Variants in CDKN2A observed in about 807,000 individuals in gnomAD.
CDKN2A encodes the protein cyclin dependent kinase inhibitor 2A.
A neutral mutation model predicts 11.1 loss-of-function variants in CDKN2A; 3 were observed. The ratio of observed to expected loss-of-function variants is 0.27; its 90% confidence interval spans 0.12 to 0.70. The LOEUF (loss-of-function observed/expected upper bound fraction) is 0.70. Among genes scored for constraint, CDKN2A ranks in the 30% least tolerant of loss-of-function variants. The pLI, the probability that CDKN2A is intolerant of heterozygous loss-of-function variation, is 0.77. For synonymous variants in CDKN2A, 122 were observed against 108.1 expected (o/e 1.13, Z -0.80); for missense variants, 265 against 233.6 (o/e 1.13, Z -0.88).
chr9:21,975,652 T>C (rs1313935478), upstream of CDKN2A, among the ~76,000 whole-genome samples: 1 of 152,172 alleles, frequency 6.6e-6, no homozygotes, highest in Non-Finnish European at 1.5e-5. Context: ...AAGAGCAGAC[T>C]CTGAAAAGAT....
At chr9:21,973,277 C>A (rs1819865550) in intron 1 of CDKN2A, among the ~76,000 whole-genome samples, 1 of 151,982 alleles carries the variant, frequency 6.6e-6, no homozygotes, top group Non-Finnish European at 1.5e-5. Context: ...TGCTTAAACC[C>A]ATTTGATAAT....
At chr9:21,982,337 T>A (rs1340266081) in intron 2 of CDKN2A, among the ~76,000 whole-genome samples, 5 of 152,178 alleles carry the variant, frequency 3.3e-5, no homozygotes, top group Admixed American at 6.5e-5. Flanking sequence ...ATAGCAGGTA[T>A]CTTTTCTAAA....
At chr9:21,987,396 AACACACAC>A (rs375380204) in intron 2 of CDKN2A, among the ~76,000 whole-genome samples, 23 of 89,904 alleles carry the variant, frequency 2.6e-4, no homozygotes, top group African/African-American at 9.0e-4. Flanking sequence ...CCCTTATTAC[AACACACAC>A]ACACACACAC....
rs749488253 is a variant in CDKN2A at position 21,974,472 on chromosome 9, G to A, written c.150+206C>T. ...CATTCGAGAGATCTGTACGCGCGTGGCTCCTCATTCCTCTTCCTTGGCTTC... is the reference window on the plus strand; with the variant it reads ...CATTCGAGAGATCTGTACGCGCGTGACTCCTCATTCCTCTTCCTTGGCTTC... On this transcript the variant is annotated intron_variant, in intron 1 of 2. Transcript: ENST00000304494. The surrounding 1 kb of genome is among the most constrained non-coding windows in gnomAD (Gnocchi z 5.2). 6.2e-7 allele frequency: 1 copy of A among 1,612,518 alleles called. No homozygotes were observed. Among genetic ancestry groups the A allele is most frequent in the Non-Finnish European group, 8.5e-7 (1 of 1,179,536 alleles).
intron 2 of CDKN2A, among the ~76,000 whole-genome samples, chr9:21,992,659 T>C (rs879487769): frequency 2.6e-5 from 4 of 152,110 alleles, no homozygotes; most frequent in Non-Finnish European, 5.9e-5. Context: ...ATTGACATGT[T>C]CTACTTTGTT....
intron 2 of CDKN2A, among the ~76,000 whole-genome samples, chr9:21,980,243 T>C (rs948669983): frequency 1.3e-5 from 2 of 152,200 alleles, no homozygotes; most frequent in Non-Finnish European, 2.9e-5. Context: ...GGTGAGATAA[T>C]ACACACATAT....
In CDKN2A at chr9:21,988,586, T is replaced by C. The variant is rs188077799; in HGVS notation, c.-4+5296A>G. On this transcript the variant is annotated intron_variant, in intron 2 of 3. Coordinates refer to the CDKN2A transcript ENST00000494262. The surrounding 1 kb of genome is among the most constrained non-coding windows in gnomAD (Gnocchi z 4.1). The stretch of plus-strand genomic sequence containing the variant: ...GACATAAATATGAGAACAATAGACA[T>C]TGGGGACTACTAGATGGAGGAGAAA... Among the ~76,000 whole-genome samples the C allele has an allele frequency of 1.3e-5, 2 of 152,118 alleles. No homozygotes were observed. Among genetic ancestry groups the C allele is most frequent in the Admixed American group, 1.3e-4 (2 of 15,276 alleles).
chr9:21,970,365 C>T (rs1322850747), intron 2 of CDKN2A: 1 of 269,960 alleles, frequency 3.7e-6, no homozygotes, highest in East Asian at 5.5e-5. Flanking sequence ...CTCTGGAAAA[C>T]TCTACCGCAT....
upstream of CDKN2A, among the ~76,000 whole-genome samples, chr9:21,977,435 G>A (rs757495679): frequency 6.6e-6 from 1 of 152,082 alleles, no homozygotes. Flanking sequence ...GATCTCTCTC[G>A]GTTCACTGCA....
In CDKN2A at chr9:21,968,870, C is replaced by A. The variant is rs1043013429; in HGVS notation, c.458-628G>T. On this transcript the variant is annotated intron_variant, in intron 2 of 2. Transcript: ENST00000304494. This position sits in a 1 kb window ranked among gnomAD's most constrained non-coding sequence, Gnocchi z 4.7. ...GCTCCAGCTCGCCGTTCGGTTCTCC[C>A]GAGGCAGCATTTACACTTGAGAGTC... 1.7e-6 allele frequency: 2 copies of A among 1,193,756 alleles called. No homozygotes were observed. The highest frequency in any genetic ancestry group is 1.3e-5 in the South Asian group (1 of 76,960). The allele number at this position is 1,193,756 out of a possible 1,614,324, so 73.9% of individuals were successfully genotyped here.
upstream of CDKN2A, among the ~76,000 whole-genome samples, chr9:21,978,141 T>G (rs1162376577): frequency 2.2e-5 from 3 of 136,386 alleles, no homozygotes; most frequent in Non-Finnish European, 4.8e-5. Flanking sequence ...GGGGGAGGGA[T>G]AGCATTAGGA....
At chr9:21,970,797 A>C (rs1819672437) in intron 2 of CDKN2A, 105 bp downstream of exon 2, 1 of 1,411,002 alleles carries the variant, frequency 7.1e-7, no homozygotes, top group Admixed American at 1.8e-5. Context: ...GAGCTGAGGC[A>C]AGACCGGAGA....
intron 2 of CDKN2A, among the ~76,000 whole-genome samples, chr9:21,983,130 T>C (rs1267357392): frequency 6.6e-6 from 1 of 152,092 alleles, no homozygotes; most frequent in Non-Finnish European, 1.5e-5. Flanking sequence ...TATTCTTCAG[T>C]AGTAATACAT....
In CDKN2A at chr9:21,971,160, C is replaced by T. The variant is rs758389471; in HGVS notation, c.199G>A (p.Gly67Ser). 2 of 1,594,886 alleles carry T rather than the reference C, an allele frequency of 1.3e-6. No individual in the cohort carries two copies. The highest frequency in any genetic ancestry group is 2.2e-5 in the East Asian group (1 of 44,460). Reference sequence around the variant, plus strand: ...GGGTCGGCGCAGTTGGGCTCCGCGCCGTGGAGCAGCAGCAGCTCCGCCACT... The same window carrying T: ...GGGTCGGCGCAGTTGGGCTCCGCGCTGTGGAGCAGCAGCAGCTCCGCCACT... ...ARVAELLLLH[G>S]AEPNCADPAT... Residue 67 changes from glycine (G) to serine (S), a missense_variant, in exon 2 of 3, where the codon GGC (glycine) becomes AGC (serine). Coordinates refer to ENST00000304494, the MANE Select transcript of CDKN2A (RefSeq NM_000077.5).
rs777948908 is a variant in CDKN2A, at chr9:21,974,722, C to T, written c.106G>A (p.Ala36Thr). ...TAACTATTCGGTGCGTTGGGCAGCGCCCCCGCCTCCAGCAGCGCCCGCACC... is the reference window on the plus strand; with the variant it reads ...TAACTATTCGGTGCGTTGGGCAGCGTCCCCGCCTCCAGCAGCGCCCGCACC... ...EEVRALLEAG[A>T]LPNAPNSYGR... The change falls in exon 1 of 3, where the codon GCG (alanine) becomes ACG (threonine). Residue 36 changes from alanine to threonine, a missense_variant. Coordinates refer to ENST00000304494, the MANE Select transcript of CDKN2A (RefSeq NM_000077.5). This position sits in a 1 kb window ranked among gnomAD's most constrained non-coding sequence, Gnocchi z 5.2. The T allele has an allele frequency of 4.3e-6, 7 of 1,612,882 alleles. No homozygotes were observed. Among genetic ancestry groups the T allele is most frequent in the Admixed American group, 1.7e-5 (1 of 60,008 alleles).
intron 2 of CDKN2A, among the ~76,000 whole-genome samples, chr9:21,980,129 C>G (rs549089364): frequency 6.6e-6 from 1 of 152,252 alleles, no homozygotes; most frequent in South Asian, 2.1e-4. Flanking sequence ...TCTCATGTAT[C>G]TAATGAACTA....
At chr9:21,983,467 C>A (rs926042346) in intron 2 of CDKN2A, among the ~76,000 whole-genome samples, 6 of 152,050 alleles carry the variant, frequency 3.9e-5, no homozygotes, top group African/African-American at 1.4e-4. Flanking sequence ...AGCTGTAACA[C>A]ATCCCACTGG....
intron 2 of CDKN2A, among the ~76,000 whole-genome samples, chr9:21,981,648 T>G (rs902034305): frequency 6.8e-6 from 1 of 147,650 alleles, no homozygotes; most frequent in Non-Finnish European, 1.5e-5. Flanking sequence ...TTTTTTTTAC[T>G]AGCTTCAATG....
chr9:21,990,651 A>AGAGAGAG (rs1464228871), intron 2 of CDKN2A, among the ~76,000 whole-genome samples: 28 of 147,810 alleles, frequency 1.9e-4, no homozygotes, highest in South Asian at 4.3e-4. Context: ...AGAGAGAGAG[A>AGAGAGAG]AACTGTTTAC....
Sources: gnomAD v4.1 joint callset for allele counts (sites outside exome capture counted in the v4.1 genomes callset) on GRCh38, gnomAD v4.1.1 for gene constraint, Gnocchi (gnomAD v3.1) non-coding constraint, MANE v1.5 for transcripts, NCBI Gene and HGNC (gene_info 2026-07-23, HGNC 2026-07-21) for gene names.